The following CLCN7 variants were observed in gnomAD, a reference collection of about 807,000 sequenced individuals.
CLCN7 encodes the protein Cl-/H+ antiporter 7, also known as H(+)/Cl(-) exchange transporter 7.
A neutral mutation model predicts 102.1 loss-of-function variants in CLCN7; 60 were observed. The ratio of observed to expected loss-of-function variants is 0.59; its 90% CI spans 0.48 to 0.73. The LOEUF (loss-of-function observed/expected upper bound fraction) is 0.73. CLCN7 is among the 30% of genes least tolerant of loss of function. The pLI, the probability that CLCN7 is intolerant of heterozygous loss-of-function variation, is 0.00. For synonymous variants in CLCN7, 560 were observed against 490.5 expected (o/e 1.14, Z -1.87); for missense variants, 962 against 1,125.7 (o/e 0.85, Z 2.08).
intron 1 of CLCN7, 117 bp from the exon 2 acceptor site, chr16:1,465,455 G>A (rs2038992487): frequency 1.1e-6 from 1 of 937,634 alleles, no homozygotes; most frequent in East Asian, 2.6e-5. Context: ...GCTCAGGAAT[G>A]GGCTAGGCCA....
chr16:1,446,604 A>G lies in CLCN7; in HGVS notation c.*27T>C. The G allele has an allele frequency of 6.6e-7, 1 of 1,525,150 alleles. No individual in the cohort carries two copies. 94.5% of individuals were successfully genotyped at this position (1,525,150 alleles called of 1,614,324 possible). ...GCAGAAGGGCCGGGGTGCCAGCGCC[A>G]GTGCCCATTATGGGCAGGGCTGGGC... is the stretch of plus-strand genomic sequence containing the variant. On this transcript the variant is annotated 3_prime_UTR_variant, in exon 25 of 25. Coordinates refer to ENST00000382745, the MANE Select transcript of CLCN7 (RefSeq NM_001287.6).
Position 1,445,744 on chromosome 16 carries a change from G to A in CLCN7, c.*887C>T, listed in dbSNP as rs6600146. ...CCTGCGCTTGGTGGCTGGCAGGGGC[G>A]GGGTAGGGAGGTCACCCTCGAGGCC... On this transcript the variant is annotated 3_prime_UTR_variant, in exon 25 of 25. Coordinates refer to ENST00000382745, the MANE Select transcript of CLCN7 (RefSeq NM_001287.6). The A allele has an allele frequency of 0.86, 132,292 of 153,568 alleles. 57,083 individuals are homozygous for A. Among genetic ancestry groups the A allele is most frequent in the East Asian group, 1 (5,179 of 5,182 alleles). 9.5% of individuals were successfully genotyped at this position (153,568 alleles called of 1,614,324 possible).
intron 10 of CLCN7, 27 bp from the exon 11 acceptor site, chr16:1,455,822 G>A (rs1335567334): frequency 3.1e-6 from 5 of 1,611,208 alleles, no homozygotes; most frequent in East Asian, 4.5e-5. Flanking sequence ...CGGCTCGGGT[G>A]CCAGCTGGAC....
At position 1,457,949 on chromosome 16, in the gene CLCN7, G is replaced by A. The variant is rs751088106; in HGVS notation, c.676-193C>T. Among the ~76,000 whole-genome samples the A allele has an allele frequency of 1.6e-4, 25 of 152,290 alleles. No homozygotes were observed. The highest frequency in any genetic ancestry group is 2.9e-4 in the Non-Finnish European group (20 of 68,004). ...GCTAAACAGCAGCCAAGCGTCCCCC[G>A]CACTCACTCGGGGGACCTGCCCTCT... On this transcript the variant is annotated intron_variant, in intron 7 of 24. Coordinates refer to ENST00000382745, the MANE Select transcript of CLCN7 (RefSeq NM_001287.6). The surrounding 1 kb of genome is among the most constrained non-coding windows in gnomAD (Gnocchi z 5.4).
chr16:1,469,624 C>T (rs2369666), intron 1 of CLCN7, among the ~76,000 whole-genome samples: 57,256 of 151,968 alleles, frequency 0.38, 11,467 homozygotes, highest in Non-Finnish European at 0.44. Context: ...AGGCAGAGGT[C>T]GTGGTAAGCT....
At chr16:1,465,443 G>T (rs940024220) in intron 1 of CLCN7, 105 bp from the exon 2 acceptor site, 69 of 1,055,804 alleles carry the variant, frequency 6.5e-5, no homozygotes, top group Non-Finnish European at 9.5e-5. Flanking sequence ...CCCTGCCCGG[G>T]AGCTCAGGAA....
At chr16:1,474,756 G>A (rs1054601135) in intron 1 of CLCN7, 78 bp downstream of exon 1, 62 of 1,160,558 alleles carry the variant, frequency 5.3e-5, no homozygotes, top group Admixed American at 1.8e-4. Flanking sequence ...ACGCGGCGCC[G>A]CCAGAAGGCT....
chr16:1,451,433 G>A (rs551897131), intron 16 of CLCN7, among the ~76,000 whole-genome samples, 190 bp downstream of exon 16: 1 of 152,234 alleles, frequency 6.6e-6, no homozygotes, highest in African/African-American at 2.4e-5. Flanking sequence ...TAACCTCCTA[G>A]GCTCAAGTGA....
In CLCN7 at chr16:1,461,433, AG is replaced by A; in HGVS notation, c.322del (p.Leu108TrpfsTer75). The A allele has an allele frequency of 1.3e-6, 2 of 1,556,468 alleles. No homozygotes were observed. The highest frequency in any genetic ancestry group is 1.2e-5 in the South Asian group (1 of 84,618). On this transcript the variant is annotated frameshift_variant, in exon 4 of 25. Coordinates refer to ENST00000382745, the MANE Select transcript of CLCN7 (RefSeq NM_001287.6). LOFTEE classifies it high-confidence loss of function. ...DYDNSENQLF[L>X]EEERRINHTA... The stretch of plus-strand genomic sequence containing the variant: ...GTGATTGATCCGCCGCTCCTCCTCC[AG>A]GAACAGCTGGTTCTCACTGTTGTCA...
rs74465057 is a variant in CLCN7, at chr16:1,452,338, G to C, written c.1353+417C>G. On this transcript the variant is annotated intron_variant, in intron 15 of 24. Transcript: ENST00000382745. Reference sequence around the variant, plus strand: ...GACCTCACGTGTGGTTCCTCTGAGCGTAGTGCTTTCCAGGGCAACCGTGTC... The same window carrying C: ...GACCTCACGTGTGGTTCCTCTGAGCCTAGTGCTTTCCAGGGCAACCGTGTC... 3 of 264,840 alleles carry C rather than the reference G, an allele frequency of 1.1e-5. No individual in the cohort carries two copies. The South Asian group carries it at 1.4e-4, about 12-fold the overall frequency. 16.4% of individuals were successfully genotyped at this position (264,840 alleles called of 1,614,324 possible). A position where few individuals can be genotyped will look rare whatever the true frequency, so the allele number is the denominator to read the frequency against.
chr16:1,447,729 C>T lies in CLCN7; in HGVS notation c.2014-15G>A, dbSNP rs912679487. 7.1e-6 allele frequency: 11 copies of T among 1,549,854 alleles called. No individual in the cohort carries two copies. The highest frequency in any genetic ancestry group is 2.0e-5 in the Admixed American group (1 of 51,046). On this transcript the variant is annotated splice_polypyrimidine_tract_variant and intron_variant, in intron 21 of 24. Transcript: ENST00000382745. ...AGCCGGGCAGGCTGCAAGACAGGCC[C>T]GCGGTCAGGGCCACGGGCCCGAGGG...
In CLCN7 at chr16:1,455,853, C is replaced by T; in HGVS notation, c.917-58G>A. The T allele has an allele frequency of 5.7e-6, 9 of 1,567,600 alleles. No homozygotes were observed. In the South Asian group the frequency reaches 1.0e-4, roughly 17 times the overall value. On this transcript the variant is annotated intron_variant, in intron 10 of 24. Coordinates refer to ENST00000382745, the MANE Select transcript of CLCN7 (RefSeq NM_001287.6). ...TGGACACAGGGCACCATGCCCACCA[C>T]CAACTCCCTCCCCCAGGCTCCAGGG... is the stretch of plus-strand genomic sequence containing the variant.
rs146383531 is a variant in CLCN7, at chr16:1,447,827, T to C, written c.2014-113A>G. The C allele has an allele frequency of 6.7e-4, 810 of 1,207,518 alleles. 8 individuals are homozygous for C. The East Asian group carries it at 0.018, about 27-fold the overall frequency. 74.8% of individuals were successfully genotyped at this position (1,207,518 alleles called of 1,614,324 possible). A position where few individuals can be genotyped will look rare whatever the true frequency, so the allele number is the denominator to read the frequency against. ...TCCGGCCAGATTTCCCATCTGGGCA[T>C]GGGCCCCGTGTCGGTGGCTACCTGC... On this transcript the variant is annotated intron_variant, in intron 21 of 24. Transcript: ENST00000382745.
chr16:1,461,717 C>T lies in CLCN7; in HGVS notation c.214-43G>A, dbSNP rs747355757. ...AAAGAGAGAAGCACAGTTGACAAGG[C>T]CACAAGGAGAGAGGCCCCTCTCAGC... On this transcript the variant is annotated intron_variant, in intron 2 of 24. Coordinates refer to ENST00000382745, the MANE Select transcript of CLCN7 (RefSeq NM_001287.6). The T allele has an allele frequency of 1.1e-5, 17 of 1,543,300 alleles. No individual in the cohort carries two copies. In the African/African-American group the frequency reaches 1.6e-4, roughly 15 times the overall value.
intron 1 of CLCN7, among the ~76,000 whole-genome samples, chr16:1,467,409 C>T (rs74002259): frequency 0.065 from 9,873 of 152,250 alleles, 546 homozygotes; most frequent in African/African-American, 0.14. Context: ...TCCTGCCACA[C>T]GGGCTGACGG....
intron 2 of CLCN7, among the ~76,000 whole-genome samples, chr16:1,464,794 G>C (rs569805269): frequency 1.1e-4 from 16 of 152,354 alleles, no homozygotes; most frequent in Non-Finnish European, 1.5e-4. Flanking sequence ...CTCACCAGCG[G>C]CTGGGGGAAA....
chr16:1,446,868 T>G, intron 24 of CLCN7, 138 bp downstream of exon 24: 1 of 1,117,638 alleles, frequency 8.9e-7, no homozygotes, highest in South Asian at 1.3e-5. Flanking sequence ...TGGGGAGGGG[T>G]GCAGCCATGG....
chr16:1,474,747 C>T (rs1327186794), intron 1 of CLCN7, 87 bp downstream of exon 1: 25 of 1,128,220 alleles, frequency 2.2e-5, no homozygotes, highest in Non-Finnish European at 2.8e-5. Flanking sequence ...GACCGAGACA[C>T]GCGGCGCCGC....
chr16:1,461,582 G>A (rs1045968963), intron 3 of CLCN7, 21 bp downstream of exon 3: 3 of 1,613,186 alleles, frequency 1.9e-6, no homozygotes, highest in Middle Eastern at 3.3e-4. Context: ...CTCAGGGTCA[G>A]GGGGACAGAA....
Sources: allele counts gnomAD v4.1 joint callset (sites outside exome capture counted in the v4.1 genomes callset), GRCh38; gene constraint gnomAD v4.1.1; non-coding constraint Gnocchi (gnomAD v3.1); transcripts MANE v1.5; gene names NCBI Gene and HGNC (gene_info 2026-07-23, HGNC 2026-07-21).